The following EPM2A variants were observed in gnomAD, a reference collection of about 807,000 sequenced individuals.
The protein encoded by EPM2A is laforin.
EPM2A carries 21 observed loss-of-function variants against 26.5 expected under a neutral mutation model. That is an observed-to-expected ratio of 0.79 (90% CI 0.56 to 1.14). The LOEUF (loss-of-function observed/expected upper bound fraction) is 1.14. EPM2A is among the 50% of genes most tolerant of loss of function. EPM2A has a pLI of 0.00. For synonymous variants in EPM2A, 217 were observed against 177.6 expected (o/e 1.22, Z -1.76); for missense variants, 458 against 440.8 (o/e 1.04, Z -0.35).
chr6:145,711,346 C>G (rs1318066320), intron 1 of EPM2A, among the ~76,000 whole-genome samples: 2 of 152,174 alleles, frequency 1.3e-5, no homozygotes, highest in Non-Finnish European at 2.9e-5. Flanking sequence ...AAAAGTTCTA[C>G]GTTTCCACAC....
chr6:145,392,883 A>G (rs1778356472), intron 4 of EPM2A, among the ~76,000 whole-genome samples: 1 of 152,122 alleles, frequency 6.6e-6, no homozygotes, highest in Admixed American at 6.6e-5. Flanking sequence ...AGGTAATCAC[A>G]GAATTAATTA....
intron 1 of EPM2A, among the ~76,000 whole-genome samples, chr6:145,731,896 C>T (rs1035955510): frequency 1.3e-5 from 2 of 152,016 alleles, no homozygotes; most frequent in Admixed American, 1.3e-4. Context: ...CTTAGTTTCA[C>T]ATTAGAATTA....
At chr6:145,455,657 A>T (rs1582769198) in intron 4 of EPM2A, among the ~76,000 whole-genome samples, 1 of 152,330 alleles carries the variant, frequency 6.6e-6, no homozygotes, top group Admixed American at 6.5e-5. Context: ...GCATCCGGCA[A>T]TAACTAAAAA....
At chr6:145,594,165 G>A (rs139016078) in intron 2 of EPM2A, among the ~76,000 whole-genome samples, 224 of 151,854 alleles carry the variant, frequency 1.5e-3, no homozygotes, top group African/African-American at 5.2e-3. Context: ...TAACTTAGAT[G>A]AAATGGGCCA....
In EPM2A at chr6:145,452,597, A is replaced by AGGAGACGGAGCTTGCAG. The variant is rs1417217917; in HGVS notation, c.555+49908_555+49924dup. On this transcript the variant is annotated intron_variant, in intron 4 of 4. Coordinates refer to the EPM2A transcript ENST00000638717. ...TGAGGCAGGAGAATGGCGTGAACCC[A>AGGAGACGGAGCTTGCAG]GGAGACGGAGCTTGCAGGGAGGCGG... 2.0e-5 allele frequency among the ~76,000 whole-genome samples: 3 copies of AGGAGACGGAGCTTGCAG among 149,226 alleles called. No homozygotes were observed. The East Asian group carries it at 6.0e-4, about 30-fold the overall frequency.
chr6:145,596,086 G>A (rs1462410493), intron 2 of EPM2A, among the ~76,000 whole-genome samples: 3 of 152,116 alleles, frequency 2.0e-5, no homozygotes, highest in African/African-American at 7.2e-5. Context: ...AAGGAAGTAT[G>A]TTTGTATCTT....
intron 2 of EPM2A, among the ~76,000 whole-genome samples, chr6:145,538,611 C>A (rs1780466496): frequency 6.6e-6 from 1 of 152,224 alleles, no homozygotes; most frequent in Non-Finnish European, 1.5e-5. Context: ...CACAGGCCAA[C>A]ATATACTAAA....
intron 2 of EPM2A, among the ~76,000 whole-genome samples, chr6:145,601,789 C>CT (rs1339450191): frequency 6.6e-6 from 1 of 152,150 alleles, no homozygotes; most frequent in Non-Finnish European, 1.5e-5. Context: ...GTCATGTGAC[C>CT]TCTTTTTGCC....
chr6:145,510,324 T>C (rs1178552082), intron 2 of EPM2A, among the ~76,000 whole-genome samples: 2 of 152,188 alleles, frequency 1.3e-5, no homozygotes, highest in African/African-American at 4.8e-5. Context: ...TACTGTAAGA[T>C]TGACCACATG....
chr6:145,404,863 G>A (rs534692046), intron 4 of EPM2A, among the ~76,000 whole-genome samples: 12 of 152,114 alleles, frequency 7.9e-5, no homozygotes, highest in Admixed American at 6.6e-4. Flanking sequence ...CTTGAATATT[G>A]CAGATTTAAA....
At chr6:145,735,564 A>T (rs1256421561), upstream of EPM2A, 1 of 1,115,862 alleles carries the variant, frequency 9.0e-7, no homozygotes, top group East Asian at 4.8e-5. Flanking sequence ...CGGCCCGAGC[A>T]CTAGGCGGCC....
At chr6:145,673,291 A>G (rs1349741001) in intron 2 of EPM2A, among the ~76,000 whole-genome samples, 1 of 152,210 alleles carries the variant, frequency 6.6e-6, no homozygotes, top group East Asian at 1.9e-4. Flanking sequence ...TAAGAAAAAT[A>G]TCTTTAGGAA....
intron 4 of EPM2A, among the ~76,000 whole-genome samples, chr6:145,461,094 G>C (rs1293636329): frequency 2.6e-5 from 4 of 152,026 alleles, no homozygotes; most frequent in Admixed American, 6.6e-5. Flanking sequence ...AATCCTTTTT[G>C]TATTCTCAAC....
chr6:145,685,124 C>A (rs1267444940), intron 2 of EPM2A, among the ~76,000 whole-genome samples: 3 of 152,048 alleles, frequency 2.0e-5, no homozygotes, highest in African/African-American at 7.2e-5. Context: ...TAAATGTTGG[C>A]AATTGCTTTC....
chr6:145,717,466 C>T (rs1388014241), intron 1 of EPM2A, among the ~76,000 whole-genome samples: 1 of 152,078 alleles, frequency 6.6e-6, no homozygotes, highest in Non-Finnish European at 1.5e-5. Context: ...TGGGACGTAT[C>T]TCAAAATAAT....
chr6:145,653,087 G>A (rs1255056645), intron 2 of EPM2A, among the ~76,000 whole-genome samples: 1 of 152,182 alleles, frequency 6.6e-6, no homozygotes, highest in Non-Finnish European at 1.5e-5. Flanking sequence ...CAAGCCTTTG[G>A]CTGATTTTTT....
intron 4 of EPM2A, among the ~76,000 whole-genome samples, chr6:145,439,927 C>T (rs1440065248): frequency 6.6e-6 from 1 of 152,124 alleles, no homozygotes; most frequent in Non-Finnish European, 1.5e-5. Context: ...CCTACGTTAT[C>T]TTTCAGAGTT....
intron 4 of EPM2A, among the ~76,000 whole-genome samples, chr6:145,438,813 T>C (rs1044813638): frequency 6.6e-6 from 1 of 152,178 alleles, no homozygotes; most frequent in Admixed American, 6.6e-5. Flanking sequence ...TTATTTTAGG[T>C]TCAGGGGCAC....
intron 2 of EPM2A, among the ~76,000 whole-genome samples, chr6:145,540,382 A>G (rs1780490023): frequency 6.6e-6 from 1 of 152,220 alleles, no homozygotes; most frequent in Non-Finnish European, 1.5e-5. Flanking sequence ...AACCCCTGAG[A>G]GGGAAGAAGA....
Sources: allele counts gnomAD v4.1 joint callset (sites outside exome capture counted in the v4.1 genomes callset), GRCh38; gene constraint gnomAD v4.1.1; transcripts MANE v1.5; gene names NCBI Gene and HGNC (gene_info 2026-07-23, HGNC 2026-07-21).